SORT1: variants seen among roughly 807,000 people sequenced by gnomAD.
The protein encoded by SORT1 is sortilin.
SORT1 carries 39 observed loss-of-function variants against 101.7 expected under a neutral mutation model. The ratio of observed to expected loss-of-function variants is 0.38; its 90% CI spans 0.30 to 0.50. The LOEUF is 0.50. Among genes scored for constraint, SORT1 ranks in the 20% least tolerant of loss-of-function variants. SORT1 has a pLI of 0.90. For missense variants in SORT1, 878 were observed against 1,040.4 expected (o/e 0.84, Z 2.15); for synonymous variants, 396 against 393.7 (o/e 1.01, Z -0.07).
At chr1:109,339,498 A>G (rs759985190) in intron 10 of SORT1, among the ~76,000 whole-genome samples, 1 of 152,234 alleles carries the variant, frequency 6.6e-6, no homozygotes, top group South Asian at 2.1e-4. Flanking sequence ...AAAGTTGTTC[A>G]ACATCTTTAG....
At chr1:109,389,771 T>G (rs974648290) in intron 1 of SORT1, 1 of 152,224 alleles carries the variant, frequency 6.6e-6, no homozygotes, top group Non-Finnish European at 1.5e-5. Context: ...ATGGTCTGCC[T>G]CACCTTCTGT....
At chr1:109,336,989 A>G (rs1648878799) in intron 10 of SORT1, among the ~76,000 whole-genome samples, 1 of 152,102 alleles carries the variant, frequency 6.6e-6, no homozygotes, top group Admixed American at 6.5e-5. Flanking sequence ...AGTAAAATCT[A>G]CCACAGGAAG....
chr1:109,356,398 C>T (rs917689539), intron 3 of SORT1, among the ~76,000 whole-genome samples: 6 of 152,120 alleles, frequency 3.9e-5, no homozygotes, highest in Non-Finnish European at 7.3e-5. Context: ...AATGGGAGCA[C>T]AGAGAAGGTA....
chr1:109,376,396 G>A (rs549993448), intron 1 of SORT1, among the ~76,000 whole-genome samples: 1 of 151,128 alleles, frequency 6.6e-6, no homozygotes, highest in South Asian at 2.1e-4. Context: ...CCTGTTACTG[G>A]GTATATATCC....
chr1:109,345,689 G>C (rs1570930102), intron 8 of SORT1, 62 bp downstream of exon 8: 1 of 1,452,844 alleles, frequency 6.9e-7, no homozygotes, highest in South Asian at 1.3e-5. Context: ...GTAATAAAGA[G>C]AATCTATACG....
chr1:109,356,422 G>A (rs1292329642), intron 3 of SORT1, among the ~76,000 whole-genome samples: 1 of 152,076 alleles, frequency 6.6e-6, no homozygotes, highest in Non-Finnish European at 1.5e-5. Flanking sequence ...TCAGAATACC[G>A]AGAAGCAGAG....
intron 14 of SORT1, among the ~76,000 whole-genome samples, 154 bp from the exon 15 acceptor site, chr1:109,323,275 C>G (rs1028506145): frequency 5.9e-5 from 9 of 152,260 alleles, no homozygotes; most frequent in Admixed American, 2.6e-4. Flanking sequence ...AAAAGTTACA[C>G]TAGTCTAGAG....
Position 109,340,744 on chromosome 1 carries a change from A to G in SORT1, c.1244T>C (p.Ile415Thr). The G allele has an allele frequency of 6.2e-7, 1 of 1,614,110 alleles. No homozygotes were observed. Among genetic ancestry groups the G allele is most frequent in the Non-Finnish European group, 8.5e-7 (1 of 1,180,018 alleles). ...TNVTSLRGVYITSVLSEDNSI... is the reference protein window; with the variant it reads ...TNVTSLRGVYTTSVLSEDNSI... ...CTCACCTTCGGAGAGCACGCTTGTT[A>G]TGTAGACGCCGCGGAGGGAGGTCAC... The change falls in exon 10 of 20, where the codon ATA becomes ACA. Residue 415 changes from isoleucine (I) to threonine (T), a missense_variant. Ile to Thr is a moderately conservative substitution (Grantham distance 89, BLOSUM62 -1). Coordinates refer to ENST00000256637, the MANE Select transcript of SORT1 (RefSeq NM_002959.7).
chr1:109,378,949 C>T (rs1385493835), intron 1 of SORT1, among the ~76,000 whole-genome samples: 1 of 150,618 alleles, frequency 6.6e-6, no homozygotes, highest in Non-Finnish European at 1.5e-5. Flanking sequence ...TCAAGACCCG[C>T]CTGACCAATA....
In SORT1 at chr1:109,312,852, TG is replaced by T. The variant is rs1385923472; in HGVS notation, c.*1190del. On this transcript the variant is annotated 3_prime_UTR_variant, in exon 20 of 20. Coordinates refer to ENST00000256637, the MANE Select transcript of SORT1 (RefSeq NM_002959.7). The stretch of plus-strand genomic sequence containing the variant: ...GTATCACACAAAGCATCATCTAGAC[TG>T]GAAGTGTGTTTTCAATTGGTTCCTC... 6 of 152,204 alleles carry T rather than the reference TG, an allele frequency of 3.9e-5. 1 individual carries two copies. Among genetic ancestry groups the T allele is most frequent in the African/African-American group, 1.4e-4 (6 of 41,448 alleles). The allele number at this position is 152,204 out of a possible 1,614,324, so 9.4% of individuals were successfully genotyped here. A position where few individuals can be genotyped will look rare whatever the true frequency, so the allele number is the denominator to read the frequency against.
intron 15 of SORT1, among the ~76,000 whole-genome samples, chr1:109,322,184 C>T (rs1235483812): frequency 2.0e-5 from 3 of 151,994 alleles, no homozygotes; most frequent in East Asian, 1.9e-4. Flanking sequence ...GCAATCCACC[C>T]GCCTCGGCCT....
intron 13 of SORT1, among the ~76,000 whole-genome samples, 190 bp from the exon 14 acceptor site, chr1:109,325,279 C>A (rs1647920881): frequency 6.8e-6 from 1 of 147,286 alleles, no homozygotes; most frequent in Non-Finnish European, 1.5e-5. Flanking sequence ...CACTCTGTCA[C>A]CGGGCTGGAG....
intron 8 of SORT1, among the ~76,000 whole-genome samples, chr1:109,343,192 C>A (rs1268284208): frequency 6.6e-6 from 1 of 152,170 alleles, no homozygotes; most frequent in African/African-American, 2.4e-5. Flanking sequence ...TATTAGCTCA[C>A]AGGGTTATTG....
intron 1 of SORT1, 153 bp downstream of exon 1, chr1:109,397,434 C>A: frequency 2.5e-6 from 1 of 394,938 alleles, no homozygotes; most frequent in Non-Finnish European, 3.5e-6. Flanking sequence ...CGACTCCGCC[C>A]GCCCGCCCGC....
In SORT1 at chr1:109,327,610, A is replaced by C; in HGVS notation, c.1372-9T>G. ...TGAATATGAAGGCTGCACTGTGAAA[A>C]GAAACAAAAGCGTAGATTAGAACCA... On this transcript the variant is annotated splice_polypyrimidine_tract_variant and intron_variant, in intron 11 of 19. Transcript: ENST00000256637. The C allele has an allele frequency of 6.6e-7, 1 of 1,523,508 alleles. No homozygotes were observed. Among genetic ancestry groups the C allele is most frequent in the Non-Finnish European group, 8.9e-7 (1 of 1,120,006 alleles). 94.4% of individuals were successfully genotyped at this position (1,523,508 alleles called of 1,614,324 possible).
At position 109,340,885 on chromosome 1, in the gene SORT1, A is replaced by G; in HGVS notation, c.1109-6T>C. 2 of 1,604,142 alleles carry G rather than the reference A, an allele frequency of 1.2e-6. No individual in the cohort carries two copies. Among genetic ancestry groups the G allele is most frequent in the Non-Finnish European group, 1.7e-6 (2 of 1,173,820 alleles). ...GATTGTGCCAAACCCAGTGTCTGAA[A>G]TAGGCAAACAAACAAAAATACTAAG... On this transcript the variant is annotated splice_polypyrimidine_tract_variant and splice_region_variant and intron_variant, in intron 9 of 19. Transcript: ENST00000256637.
intron 11 of SORT1, among the ~76,000 whole-genome samples, chr1:109,332,334 C>A (rs1355156823): frequency 3.3e-5 from 5 of 152,132 alleles, no homozygotes; most frequent in Non-Finnish European, 7.3e-5. Context: ...CATCTGTAAT[C>A]CCAGCTGAGA....
At chr1:109,385,624 TA>T (rs1269975172) in intron 1 of SORT1, among the ~76,000 whole-genome samples, 3 of 152,182 alleles carry the variant, frequency 2.0e-5, no homozygotes, top group Non-Finnish European at 4.4e-5. Flanking sequence ...GTGTGGGCGC[TA>T]ACCCCTTCCC....
At chr1:109,314,189 T>C (rs1367021092) in intron 19 of SORT1, 72 bp downstream of exon 19, 26 of 1,458,712 alleles carry the variant, frequency 1.8e-5, no homozygotes, top group East Asian at 1.6e-4. Context: ...TGATCATGAA[T>C]AGAAGACAGA....
Sources: gnomAD v4.1 joint callset for allele counts (sites outside exome capture counted in the v4.1 genomes callset) on GRCh38, gnomAD v4.1.1 for gene constraint, MANE v1.5 for transcripts, NCBI Gene and HGNC (gene_info 2026-07-23, HGNC 2026-07-21) for gene names.